Variants in CDSN observed in about 807,000 individuals in gnomAD.
CDSN encodes the protein S protein.
In CDSN, 11 loss-of-function variants were observed where a neutral mutation model predicts 25.6. The ratio of observed to expected loss-of-function variants is 0.43; its 90% CI spans 0.27 to 0.71. CDSN has a LOEUF of 0.71. Ranked by LOEUF, CDSN falls within the 30% of genes least tolerant of loss-of-function variation. The probability of loss-of-function intolerance (pLI) is 0.20; values close to 1 mark genes in which losing one functional copy is unlikely to be tolerated. For missense variants in CDSN, 598 were observed against 670.9 expected (o/e 0.89, Z 1.20); for synonymous variants, 266 against 267.4 (o/e 0.99, Z 0.05).
chr6:31,119,862 C>T (rs1438006086), intron 1 of CDSN, among the ~76,000 whole-genome samples: 5 of 151,986 alleles, frequency 3.3e-5, no homozygotes, highest in Non-Finnish European at 5.9e-5. Flanking sequence ...GCCGAGATTA[C>T]GCCACTGCAC....
chr6:31,120,231 C>G (rs906397180), intron 1 of CDSN, 104 bp downstream of exon 1: 1 of 910,404 alleles, frequency 1.1e-6, no homozygotes, highest in African/African-American at 1.6e-5. Flanking sequence ...AACCCCCAGA[C>G]TCAAAAGGCA....
rs752456724 is a variant in CDSN at position 31,116,330 on chromosome 6, C to T, written c.1285G>A (p.Gly429Ser). 5.0e-6 allele frequency: 8 copies of T among 1,613,496 alleles called. No individual in the cohort carries two copies. Among genetic ancestry groups the T allele is most frequent in the Non-Finnish European group, 5.9e-6 (7 of 1,179,810 alleles). ...SQSPCSPPGT[G>S]SFSSSSSSQS... ...GAACTGGAGCTGCTGCTGAAGGAGC[C>T]GGTGCCTGGTGGGGAGCAGGGGCTC... The change falls in exon 2 of 2, where the codon GGC becomes AGC. Residue 429 changes from glycine to serine, a missense_variant. Physicochemically the swap from Gly to Ser is moderately conservative, Grantham distance 56 (BLOSUM62 0). Transcript: ENST00000376288.
At chr6:31,117,721 CTTTG>C (rs1772244271) in intron 1 of CDSN, 192 bp from the exon 2 acceptor site, 1 of 609,620 alleles carries the variant, frequency 1.6e-6, no homozygotes, top group African/African-American at 1.8e-5. Context: ...AAAGGCATTT[CTTTG>C]TTTGGGAAGG....
rs960611020 is a variant in CDSN at position 31,115,545 on chromosome 6, CG to C, written c.*479del. On this transcript the variant is annotated 3_prime_UTR_variant, in exon 2 of 2. Transcript: ENST00000376288. This position sits in a 1 kb window ranked among gnomAD's most constrained non-coding sequence, Gnocchi z 4.2. ...CATATTGGGTGGGTTGACTAGATGTCGAAGAAAGGTCAGTGAAAAGTGGCCA... is the reference window on the plus strand; with the variant it reads ...CATATTGGGTGGGTTGACTAGATGTCAAGAAAGGTCAGTGAAAAGTGGCCA... 5 of 170,942 alleles carry C rather than the reference CG, an allele frequency of 2.9e-5. No individual in the cohort carries two copies. Among genetic ancestry groups the C allele is most frequent in the African/African-American group, 1.2e-4 (5 of 41,770 alleles). The allele number at this position is 170,942 out of a possible 1,614,324, so 10.6% of individuals were successfully genotyped here.
chr6:31,116,691 A>C lies in CDSN; in HGVS notation c.924T>G (p.Val308=). ...TACCCTTACTGTAGGTCATGCCTGG[A>C]ACCAGATAACTGTCAGAGGAGCCAC... The part of the protein sequence containing the change: ...VVGGSSDSYL[V]PGMTYSKGKI... Residue 308 remains valine, a synonymous_variant, in exon 2 of 2, where the codon GTT becomes GTG. Coordinates refer to ENST00000376288, the MANE Select transcript of CDSN (RefSeq NM_001264.5). 6.2e-7 allele frequency: 1 copy of C among 1,612,744 alleles called. No homozygotes were observed. Among genetic ancestry groups the C allele is most frequent in the Non-Finnish European group, 8.5e-7 (1 of 1,180,016 alleles).
Position 31,117,193 on chromosome 6 carries a change from G to A in CDSN, c.422C>T (p.Ser141Leu), listed in dbSNP as rs768318080. ...TCCCGAGTGAGAGCCGCTGTTTCCCGAGTGAGAGCTGCTGCTCCCCAGCTG... is the reference window on the plus strand; with the variant it reads ...TCCCGAGTGAGAGCCGCTGTTTCCCAAGTGAGAGCTGCTGCTCCCCAGCTG... The part of the protein sequence containing the change: ...SSQLGSSSSH[S>L]GNSGSHSGSS... The change falls in exon 2 of 2, where the codon TCG becomes TTG. Residue 141 changes from serine to leucine, a missense_variant. Transcript: ENST00000376288. 11 of 1,613,138 alleles carry A rather than the reference G, an allele frequency of 6.8e-6. No homozygotes were observed. Among genetic ancestry groups the A allele is most frequent in the Middle Eastern group, 1.7e-4 (1 of 6,060 alleles).
Position 31,115,951 on chromosome 6 carries a change from G to T in CDSN, c.*74C>A. 7.4e-7 allele frequency: 1 copy of T among 1,355,686 alleles called. No individual in the cohort carries two copies. The highest frequency in any genetic ancestry group is 1.2e-5 in the South Asian group (1 of 84,906). 84.0% of individuals were successfully genotyped at this position (1,355,686 alleles called of 1,614,324 possible). A position where few individuals can be genotyped will look rare whatever the true frequency, so the allele number is the denominator to read the frequency against. ...GAGCTAACCCTATGCCTGGGCACTG[G>T]ACTTCTCCCATATGGGATATAGTGT... is the stretch of plus-strand genomic sequence containing the variant. On this transcript the variant is annotated 3_prime_UTR_variant, in exon 2 of 2. Transcript: ENST00000376288. This position sits in a 1 kb window ranked among gnomAD's most constrained non-coding sequence, Gnocchi z 4.2.
chr6:31,117,022 G>A lies in CDSN; in HGVS notation c.593C>T (p.Ser198Phe), dbSNP rs1467180800. The change falls in exon 2 of 2, where the codon TCT becomes TTT. Residue 198 changes from serine (S) to phenylalanine (F), a missense_variant. Coordinates refer to ENST00000376288, the MANE Select transcript of CDSN (RefSeq NM_001264.5). ...NPSQPGQSSS[S>F]SQTFGVSSSG... ...GCTGGATACCCCAAAGGTCTGGGAA[G>A]AGGAAGAGCTTTGTCCAGGCTGGGA... 2 of 1,614,262 alleles carry A rather than the reference G, an allele frequency of 1.2e-6. No homozygotes were observed. Among genetic ancestry groups the A allele is most frequent in the South Asian group, 1.1e-5 (1 of 91,090 alleles).
rs752840782 is a variant in CDSN, at chr6:31,117,161, T to G, written c.454A>C (p.Ser152Arg). The G allele has an allele frequency of 6.2e-7, 1 of 1,606,264 alleles. No homozygotes were observed. The highest frequency in any genetic ancestry group is 1.7e-5 in the Admixed American group (1 of 59,660). The part of the protein sequence containing the change: ...GNSGSHSGSS[S>R]SHSSSSSSFQ... Reference sequence around the variant, plus strand: ...CTGCTGCTGCTGCTCGAATGAGAGCTGCTGCTTCCCGAGTGAGAGCCGCTG... The same window carrying G: ...CTGCTGCTGCTGCTCGAATGAGAGCGGCTGCTTCCCGAGTGAGAGCCGCTG... The change falls in exon 2 of 2, where the codon AGC becomes CGC. Residue 152 changes from serine (S) to arginine (R), a missense_variant. Physicochemically the swap from Ser to Arg is moderately radical, Grantham distance 110 (BLOSUM62 -1). Coordinates refer to ENST00000376288, the MANE Select transcript of CDSN (RefSeq NM_001264.5).
At position 31,116,609 on chromosome 6, in the gene CDSN, C is replaced by A. The variant is rs1772141496; in HGVS notation, c.1006G>T (p.Val336Phe). Residue 336 changes from valine (V) to phenylalanine (F), a missense_variant, in exon 2 of 2, where the codon GTC (valine) becomes TTC (phenylalanine). Val to Phe is a conservative substitution (Grantham distance 50, BLOSUM62 -1). Transcript: ENST00000376288. ...GGGGGCCCAGCTGCAAAGGAAGGGA[C>A]CCCTGGAGAGCCTTTCACAGGGTTC... ...KENPVKGSPG[V>F]PSFAAGPPIS... 2 of 1,613,238 alleles carry A rather than the reference C, an allele frequency of 1.2e-6. No individual in the cohort carries two copies. Among genetic ancestry groups the A allele is most frequent in the Non-Finnish European group, 8.5e-7 (1 of 1,179,996 alleles).
rs1772104187 is a variant in CDSN, at chr6:31,116,201, C to T, written c.1414G>A (p.Asp472Asn). The change falls in exon 2 of 2, where the codon GAT (aspartate) becomes AAT (asparagine). Residue 472 changes from aspartate to asparagine, a missense_variant. Coordinates refer to ENST00000376288, the MANE Select transcript of CDSN (RefSeq NM_001264.5). ...GAGGGATCAGGATGGGGAGAGCCAT[C>T]GGGGCCCCCAGTCAGTGTCAAGGAG... Reference protein sequence around the residue: ...VSSLTLTGGPDGSPHPDPSAG... With the variant: ...VSSLTLTGGPNGSPHPDPSAG... The T allele has an allele frequency of 2.5e-6, 4 of 1,613,462 alleles. No individual in the cohort carries two copies. Among genetic ancestry groups the T allele is most frequent in the Admixed American group, 1.7e-5 (1 of 59,984 alleles).
In CDSN at chr6:31,116,892, G is replaced by C; in HGVS notation, c.723C>G (p.Pro241=). The part of the protein sequence containing the change: ...PIVSHSGPYI[P]SSHSVSGGQR... ...GACCCCCTGACACAGAGTGGGAGCT[G>C]GGGATGTAGGGGCCGGAGTGCGAGA... Residue 241 remains proline (P), a synonymous_variant, in exon 2 of 2, where the codon CCC becomes CCG. Coordinates refer to ENST00000376288, the MANE Select transcript of CDSN (RefSeq NM_001264.5). 6.2e-7 allele frequency: 1 copy of C among 1,614,076 alleles called. No homozygotes were observed. Among genetic ancestry groups the C allele is most frequent in the Non-Finnish European group, 8.5e-7 (1 of 1,179,948 alleles).
Position 31,115,911 on chromosome 6 carries a change from G to T in CDSN, c.*114C>A. On this transcript the variant is annotated 3_prime_UTR_variant, in exon 2 of 2. Transcript: ENST00000376288. The surrounding 1 kb of genome is among the most constrained non-coding windows in gnomAD (Gnocchi z 4.2). ...TGGAGAAAGCAGAACCACTCTTTTG[G>T]GAAGGAGGGAAACTGAGCTAACCCT... 1 of 915,856 alleles carries T rather than the reference G, an allele frequency of 1.1e-6. No individual in the cohort carries two copies. The allele number at this position is 915,856 out of a possible 1,614,324, so 56.7% of individuals were successfully genotyped here.
chr6:31,116,426 G>A lies in CDSN; in HGVS notation c.1189C>T (p.Arg397Ter), dbSNP rs781189010. Residue 397 changes from arginine to a stop codon, truncating the protein, a stop_gained, in exon 2 of 2, where the codon CGA becomes TGA. Coordinates refer to ENST00000376288, the MANE Select transcript of CDSN (RefSeq NM_001264.5). LOFTEE classifies it high-confidence loss of function. The part of the protein sequence containing the change: ...SKGPCSPSSS[R>*]VPSSSSISSS... ...GAAATGCTAGAACTGCTGGGGACTCGAGAACTGGAGGGAGAGCAGGGTCCC... is the reference window on the plus strand; with the variant it reads ...GAAATGCTAGAACTGCTGGGGACTCAAGAACTGGAGGGAGAGCAGGGTCCC... 1.9e-6 allele frequency: 3 copies of A among 1,590,408 alleles called. No individual in the cohort carries two copies. Among genetic ancestry groups the A allele is most frequent in the Non-Finnish European group, 2.6e-6 (3 of 1,168,380 alleles).
intron 1 of CDSN, chr6:31,118,107 G>A (rs935930046): frequency 6.5e-6 from 1 of 154,950 alleles, no homozygotes; most frequent in Non-Finnish European, 1.4e-5. Context: ...TGGGACCAAA[G>A]GGAAGAAGAC....
rs771876000 is a variant in CDSN at position 31,117,212 on chromosome 6, C to A, written c.403G>T (p.Gly135Trp). Residue 135 changes from glycine (G) to tryptophan (W), a missense_variant, in exon 2 of 2, where the codon GGG becomes TGG. Physicochemically the swap from Gly to Trp is radical, Grantham distance 184. Coordinates refer to ENST00000376288, the MANE Select transcript of CDSN (RefSeq NM_001264.5). ...TTTCCCGAGTGAGAGCTGCTGCTCC[C>A]CAGCTGGGAGGAACCGGATGCACCT... ...LQGASGSSQLGSSSSHSGNSG... is the reference protein window; with the variant it reads ...LQGASGSSQLWSSSSHSGNSG... The A allele has an allele frequency of 2.5e-6, 4 of 1,613,952 alleles. No individual in the cohort carries two copies. In the East Asian group the frequency reaches 8.9e-5, roughly 36 times the overall value.
rs980835766 is a variant in CDSN at position 31,116,798 on chromosome 6, A to G, written c.817T>C (p.Cys273Arg). 1.9e-5 allele frequency: 31 copies of G among 1,613,590 alleles called. No homozygotes were observed. The highest frequency in any genetic ancestry group is 2.6e-5 in the Non-Finnish European group (31 of 1,180,010). The change falls in exon 2 of 2, where the codon TGT (cysteine) becomes CGT (arginine). Residue 273 changes from cysteine (C) to arginine (R), a missense_variant. By Grantham distance (180) the Cys-to-Arg change is radical. Coordinates refer to ENST00000376288, the MANE Select transcript of CDSN (RefSeq NM_001264.5). ...GAPGVVQGPP[C>R]SNGGLPGKPC... is the part of the protein sequence containing the mutation. ...TTGCCTGGAAGGCCACCATTGCTACAGGGGGGACCTTGAACCACTCCAGGG... is the reference window on the plus strand; with the variant it reads ...TTGCCTGGAAGGCCACCATTGCTACGGGGGGGACCTTGAACCACTCCAGGG...
chr6:31,116,386 A>G lies in CDSN; in HGVS notation c.1229T>C (p.Leu410Ser), dbSNP rs3132554. 826,113 of 1,603,348 alleles carry G rather than the reference A, an allele frequency of 0.52. 217,911 individuals are homozygous for G. Among genetic ancestry groups the G allele is most frequent in the East Asian group, 0.68 (30,385 of 44,388 alleles). ...AGCACTGCCGCAGGGATGGTAGGGT[A>G]AACCGGAGCTGCTGGAAATGCTAGA... ...SSSSISSSSG[L>S]PYHPCGSASQ... Residue 410 changes from leucine (L) to serine (S), a missense_variant, in exon 2 of 2, where the codon TTA becomes TCA. Coordinates refer to ENST00000376288, the MANE Select transcript of CDSN (RefSeq NM_001264.5).
intron 1 of CDSN, among the ~76,000 whole-genome samples, chr6:31,118,983 C>T (rs1221054242): frequency 1.3e-5 from 2 of 151,586 alleles, no homozygotes; most frequent in African/African-American, 4.9e-5. Flanking sequence ...GCTGGGACCA[C>T]AGGTGCCCGC....
Sources: gnomAD v4.1 joint callset for allele counts (sites outside exome capture counted in the v4.1 genomes callset) on GRCh38, gnomAD v4.1.1 for gene constraint, Gnocchi (gnomAD v3.1) non-coding constraint, MANE v1.5 for transcripts, NCBI Gene and HGNC (gene_info 2026-07-23, HGNC 2026-07-21) for gene names.